KCND3: variants seen among roughly 807,000 people sequenced by gnomAD.
KCND3 encodes the protein A-type voltage-gated potassium channel KCND3.
A neutral mutation model predicts 51.1 loss-of-function variants in KCND3; 9 were observed. The observed-to-expected ratio is 0.18, with a 90% confidence interval of 0.11 to 0.31. KCND3 has a LOEUF of 0.31. KCND3 is among the 10% of genes least tolerant of loss of function. The pLI, the probability that KCND3 is intolerant of heterozygous loss-of-function variation, is 1.00. For missense variants in KCND3, 526 were observed against 903.8 expected (o/e 0.58, Z 5.36); for synonymous variants, 349 against 368.0 (o/e 0.95, Z 0.59).
At chr1:111,883,183 C>T (rs1669418003) in intron 2 of KCND3, among the ~76,000 whole-genome samples, 1 of 152,246 alleles carries the variant, frequency 6.6e-6, no homozygotes, top group Non-Finnish European at 1.5e-5. Flanking sequence ...AGCGATTGTC[C>T]TCTAAGCACT....
intron 2 of KCND3, among the ~76,000 whole-genome samples, chr1:111,793,412 C>T (rs989563319): frequency 1.3e-5 from 2 of 150,954 alleles, no homozygotes; most frequent in East Asian, 1.9e-4. Context: ...CTCTTGACCT[C>T]GTGATCTGCC....
chr1:111,828,439 A>G (rs996271448), intron 2 of KCND3, among the ~76,000 whole-genome samples: 3 of 152,294 alleles, frequency 2.0e-5, no homozygotes, highest in African/African-American at 7.2e-5. Context: ...TGCATCTCCC[A>G]TTAGTCACCA....
intron 2 of KCND3, among the ~76,000 whole-genome samples, chr1:111,823,377 A>G (rs1666433149): frequency 6.6e-6 from 1 of 152,122 alleles, no homozygotes; most frequent in Admixed American, 6.5e-5. Context: ...CCTCCATGGA[A>G]CCTACTCTGG....
chr1:111,831,733 G>A (rs57643462), intron 2 of KCND3, among the ~76,000 whole-genome samples: 1 of 151,950 alleles, frequency 6.6e-6, no homozygotes, highest in Non-Finnish European at 1.5e-5. Flanking sequence ...CTGGCCCCAC[G>A]AGAATCACCT....
At chr1:111,830,051 G>A (rs181482143) in intron 2 of KCND3, among the ~76,000 whole-genome samples, 2 of 152,118 alleles carry the variant, frequency 1.3e-5, no homozygotes, top group African/African-American at 4.8e-5. Flanking sequence ...TTATCCTCCG[G>A]TCCATCTTTC....
At chr1:111,848,815 G>T (rs1280684685) in intron 2 of KCND3, among the ~76,000 whole-genome samples, 1 of 152,204 alleles carries the variant, frequency 6.6e-6, no homozygotes, top group Non-Finnish European at 1.5e-5. Flanking sequence ...CGTGAGGTGG[G>T]CACAGGCCAG....
chr1:111,865,782 G>A (rs1201831089), intron 2 of KCND3, among the ~76,000 whole-genome samples: 1 of 152,318 alleles, frequency 6.6e-6, no homozygotes, highest in African/African-American at 2.4e-5. Context: ...ATGGCTCCCT[G>A]CAGCCTCTAC....
intron 2 of KCND3, among the ~76,000 whole-genome samples, chr1:111,944,655 CCT>C (rs1368137008): frequency 6.6e-6 from 1 of 152,250 alleles, no homozygotes; most frequent in African/African-American, 2.4e-5. Flanking sequence ...GTGTCATCTC[CCT>C]GTCACCCTCT....
At chr1:111,935,489 G>GA (rs35778148) in intron 2 of KCND3, among the ~76,000 whole-genome samples, 26,639 of 152,120 alleles carry the variant, frequency 0.18, 3,042 homozygotes, top group Non-Finnish European at 0.26. Flanking sequence ...GCCCAGAGAG[G>GA]AAAAACATGT....
intron 2 of KCND3, among the ~76,000 whole-genome samples, chr1:111,937,687 C>A (rs1672289544): frequency 6.6e-6 from 1 of 152,136 alleles, no homozygotes; most frequent in South Asian, 2.1e-4. Context: ...AGTCCAGGAA[C>A]TTCCTGGCCA....
Position 111,780,367 on chromosome 1 carries a change from C to T in KCND3, c.1372-53G>A. On this transcript the variant is annotated intron_variant, in intron 4 of 7. Transcript: ENST00000302127. This position sits in a 1 kb window ranked among gnomAD's most constrained non-coding sequence, Gnocchi z 4.2. ...AAAAAGCTGGTGGCTCTTCCCCTCT[C>T]CAGCTCCTTCATTTCTCCACTAAAG... 6.8e-7 allele frequency: 1 copy of T among 1,473,446 alleles called. No individual in the cohort carries two copies. The allele number at this position is 1,473,446 out of a possible 1,614,324, so 91.3% of individuals were successfully genotyped here.
chr1:111,896,345 G>C (rs1330501612), intron 2 of KCND3, among the ~76,000 whole-genome samples: 2 of 152,214 alleles, frequency 1.3e-5, no homozygotes, highest in Non-Finnish European at 2.9e-5. Flanking sequence ...GAAGATCTCA[G>C]CTCGCTGTCA....
At chr1:111,980,091 T>C (rs1469909621) in intron 2 of KCND3, among the ~76,000 whole-genome samples, 1 of 152,090 alleles carries the variant, frequency 6.6e-6, no homozygotes. Flanking sequence ...GTCCATTTTA[T>C]CTCCAAAATA....
Position 111,988,057 on chromosome 1 carries a change from G to C in KCND3, c.-73+1448C>G, listed in dbSNP as rs556190951. 4.6e-5 allele frequency among the ~76,000 whole-genome samples: 7 copies of C among 152,284 alleles called. No individual in the cohort carries two copies. In the East Asian group the frequency reaches 9.6e-4, roughly 21 times the overall value. ...GGGGTTTGACACCTAGCTGAGTACAGGCATAAGGCAGCAAAAAAAGTCATG... is the reference window on the plus strand; with the variant it reads ...GGGGTTTGACACCTAGCTGAGTACACGCATAAGGCAGCAAAAAAAGTCATG... On this transcript the variant is annotated intron_variant, in intron 1 of 7. Transcript: ENST00000302127.
chr1:111,904,979 G>A (rs1245372649), intron 2 of KCND3, among the ~76,000 whole-genome samples: 1 of 152,184 alleles, frequency 6.6e-6, no homozygotes, highest in Non-Finnish European at 1.5e-5. Flanking sequence ...CAGTGATGGA[G>A]GGGGAGACAG....
chr1:111,983,510 T>A (rs1176853270), intron 1 of KCND3, among the ~76,000 whole-genome samples: 2 of 152,140 alleles, frequency 1.3e-5, no homozygotes, highest in Non-Finnish European at 2.9e-5. Context: ...AGAGCCATGA[T>A]GGAAAGACGT....
chr1:111,836,997 A>C, intron 2 of KCND3, among the ~76,000 whole-genome samples: 1 of 152,214 alleles, frequency 6.6e-6, no homozygotes, highest in Non-Finnish European at 1.5e-5. Context: ...TCAACATTTA[A>C]GTTAGTTTTA....
chr1:111,808,327 G>T (rs546159601), intron 2 of KCND3, among the ~76,000 whole-genome samples: 1 of 152,084 alleles, frequency 6.6e-6, no homozygotes, highest in African/African-American at 2.4e-5. Context: ...CTTTGTAATC[G>T]GTTTGTTCAT....
rs771711961 is a variant in KCND3, at chr1:111,894,957, C to T, written c.1106+86664G>A. On this transcript the variant is annotated intron_variant, in intron 2 of 7. Transcript: ENST00000302127. ...GAGAAGAGGAGGAAGAAAGTAGAGG[C>T]AGGAGAAGAAAGAGGGGAAAAGAGG... 8.9e-5 allele frequency among the ~76,000 whole-genome samples: 13 copies of T among 145,542 alleles called. 1 individual carries two copies. The highest frequency in any genetic ancestry group is 1.6e-4 in the Non-Finnish European group (11 of 66,792).
Sources: allele counts gnomAD v4.1 joint callset (sites outside exome capture counted in the v4.1 genomes callset), GRCh38; gene constraint gnomAD v4.1.1; non-coding constraint Gnocchi (gnomAD v3.1); transcripts MANE v1.5; gene names NCBI Gene and HGNC (gene_info 2026-07-23, HGNC 2026-07-21).